DNAH11: variants seen among roughly 807,000 people sequenced by gnomAD.
The protein encoded by DNAH11 is dynein axonemal heavy chain 11, also known as axonemal beta dynein heavy chain 11.
In DNAH11, 442 loss-of-function variants were observed where a neutral mutation model predicts 526.0. That is an observed-to-expected ratio of 0.84 (90% CI 0.78 to 0.91). The LOEUF is 0.91. DNAH11 is among the 40% of genes least tolerant of loss of function. DNAH11 has a pLI of 0.00. For missense variants in DNAH11, 6,989 were observed against 5,448.7 expected, an observed-to-expected ratio of 1.28 and a Z score of -8.90; for synonymous variants, 2,461 against 1,935.9, an observed-to-expected ratio of 1.27 and a Z score of -7.12.
chr7:21,862,147 G>A, intron 69 of DNAH11, 124 bp downstream of exon 69: 1 of 958,850 alleles, frequency 1.0e-6, no homozygotes. Flanking sequence ...GGAAGCCCTT[G>A]GTGGCATGAG....
rs1403250849 is a variant in DNAH11, at chr7:21,868,126, G to A, written c.11839+119G>A. The A allele has an allele frequency of 6.2e-6, 5 of 804,496 alleles. No homozygotes were observed. The South Asian group carries it at 1.2e-4, about 19-fold the overall frequency. 49.8% of individuals were successfully genotyped at this position (804,496 alleles called of 1,614,324 possible). On this transcript the variant is annotated intron_variant, in intron 72 of 81. Coordinates refer to ENST00000409508, the MANE Select transcript of DNAH11 (RefSeq NM_001277115.2). ...TTTCTTTTTTTTTTTTTTTTAATTT[G>A]TTGAAGATTGGGTGTATGGAAAATG...
intron 4 of DNAH11, among the ~76,000 whole-genome samples, chr7:21,560,504 C>G (rs1435262059): frequency 2.0e-5 from 3 of 152,158 alleles, no homozygotes; most frequent in African/African-American, 7.2e-5. Context: ...GCCAAAGGCC[C>G]AAGAGCCCCT....
chr7:21,769,769 C>T (rs1007043000), intron 55 of DNAH11, among the ~76,000 whole-genome samples: 6 of 152,134 alleles, frequency 3.9e-5, no homozygotes, highest in Non-Finnish European at 7.4e-5. Context: ...CAGGCATGAG[C>T]CACTGCATCC....
intron 47 of DNAH11, among the ~76,000 whole-genome samples, 173 bp from the exon 48 acceptor site, chr7:21,739,398 G>A (rs897964289): frequency 1.3e-5 from 2 of 152,278 alleles, no homozygotes; most frequent in East Asian, 1.9e-4. Context: ...GTCAACTTCA[G>A]TTTTTTGAGC....
In DNAH11 at chr7:21,742,101, T is replaced by A; in HGVS notation, c.8089T>A (p.Phe2697Ile). The change falls in exon 49 of 82, where the codon TTT becomes ATT. Residue 2697 changes from phenylalanine to isoleucine, a missense_variant. Physicochemically the swap from Phe to Ile is conservative, Grantham distance 21. Transcript: ENST00000409508. ...IAFHQTMMCN[F>I]LPTAIKFHYI... ...ATTCCATCAGACAATGATGTGTAAC[T>A]TTTTACCCACGGCTATTAAATTCCA... is the stretch of plus-strand genomic sequence containing the variant. 1.9e-6 allele frequency: 3 copies of A among 1,613,938 alleles called. No homozygotes were observed. Among genetic ancestry groups the A allele is most frequent in the Non-Finnish European group, 2.5e-6 (3 of 1,179,852 alleles).
intron 76 of DNAH11, among the ~76,000 whole-genome samples, chr7:21,888,954 A>G (rs34894075): frequency 0.21 from 32,041 of 151,484 alleles, 3,887 homozygotes; most frequent in Non-Finnish European, 0.28. Flanking sequence ...GGTCTTTAGT[A>G]TATTCTGCAA....
chr7:21,839,062 G>C (rs1008607992), intron 65 of DNAH11, among the ~76,000 whole-genome samples: 12 of 152,020 alleles, frequency 7.9e-5, no homozygotes, highest in African/African-American at 2.2e-4. Flanking sequence ...ACCTCACTAA[G>C]GCTTTGATTT....
At chr7:21,578,709 T>C (rs1784196961) in intron 8 of DNAH11, among the ~76,000 whole-genome samples, 1 of 152,196 alleles carries the variant, frequency 6.6e-6, no homozygotes, top group Non-Finnish European at 1.5e-5. Context: ...GACATCCAGG[T>C]GTTTCCATAC....
chr7:21,866,359 T>A (rs12700317), intron 70 of DNAH11, 111 bp from the exon 71 acceptor site: 20 of 937,162 alleles, frequency 2.1e-5, no homozygotes, highest in Admixed American at 3.0e-5. Context: ...GGAGAGTGAA[T>A]ACTATCCAGC....
At chr7:21,577,644 C>T (rs1361088203) in intron 8 of DNAH11, among the ~76,000 whole-genome samples, 1 of 152,142 alleles carries the variant, frequency 6.6e-6, no homozygotes, top group African/African-American at 2.4e-5. Flanking sequence ...CCCCGCCCAC[C>T]CTTGGTGGAT....
chr7:21,776,090 A>C (rs1371441835), intron 56 of DNAH11, among the ~76,000 whole-genome samples: 1 of 152,176 alleles, frequency 6.6e-6, no homozygotes, highest in Non-Finnish European at 1.5e-5. Flanking sequence ...CCTCAGTTAC[A>C]CATTGATGAG....
In DNAH11 at chr7:21,786,449, C is replaced by T. The variant is rs72657383; in HGVS notation, c.9598-175C>T. On this transcript the variant is annotated intron_variant, in intron 58 of 81. Transcript: ENST00000409508. ...GTATCAGAGAAGTGCCCAGCAAGAA[C>T]TGAACCTCCTGGAGTTCCAAGGTGG... Among the ~76,000 whole-genome samples the T allele has an allele frequency of 3.6e-4, 55 of 152,224 alleles. 1 individual carries two copies. The highest frequency in any genetic ancestry group is 1.2e-3 in the African/African-American group (49 of 41,548).
chr7:21,873,414 A>G lies in DNAH11; in HGVS notation c.12108A>G (p.Gly4036=), dbSNP rs750427824. 22 of 1,613,828 alleles carry G rather than the reference A, an allele frequency of 1.4e-5. 1 individual carries two copies. In the East Asian group the frequency reaches 3.6e-4, roughly 26 times the overall value. ...PTPDEHIIPQ[G]LLENSIKITN... ...CAGATGAGCATATCATCCCTCAAGG[A>G]CTCCTGGAAAATTCCATTAAGATCA... Residue 4036 remains glycine, a synonymous_variant, in exon 74 of 82, where the codon GGA becomes GGG. Transcript: ENST00000409508.
chr7:21,660,271 C>T (rs1198522671), intron 30 of DNAH11, among the ~76,000 whole-genome samples: 1 of 151,950 alleles, frequency 6.6e-6, no homozygotes. Context: ...TGACCATTTT[C>T]ATTATGCATA....
At chr7:21,720,991 C>A in intron 44 of DNAH11, 135 bp downstream of exon 44, 1 of 1,140,224 alleles carries the variant, frequency 8.8e-7, no homozygotes, top group Non-Finnish European at 1.2e-6. Context: ...TCTCCTAAGT[C>A]TATGCATTCT....
chr7:21,855,767 G>C (rs963906730), intron 68 of DNAH11, among the ~76,000 whole-genome samples: 5 of 152,068 alleles, frequency 3.3e-5, no homozygotes, highest in African/African-American at 1.2e-4. Flanking sequence ...CTTGTCACTT[G>C]AGTGTATAGT....
intron 70 of DNAH11, among the ~76,000 whole-genome samples, chr7:21,865,417 G>A (rs531176788): frequency 6.6e-6 from 1 of 152,248 alleles, no homozygotes; most frequent in African/African-American, 2.4e-5. Context: ...GGAAACAGAT[G>A]GCACATTCAA....
At chr7:21,701,933 A>G (rs1583607843) in intron 36 of DNAH11, among the ~76,000 whole-genome samples, 1 of 152,104 alleles carries the variant, frequency 6.6e-6, no homozygotes, top group East Asian at 1.9e-4. Flanking sequence ...TGGACGGTGA[A>G]AGAGGGCCAG....
intron 9 of DNAH11, among the ~76,000 whole-genome samples, chr7:21,582,557 C>T (rs1316383894): frequency 6.6e-6 from 1 of 152,034 alleles, no homozygotes; most frequent in East Asian, 1.9e-4. Flanking sequence ...ATTTCAGTCG[C>T]AGAGATTTTG....
Sources: gnomAD v4.1 joint callset for allele counts (sites outside exome capture counted in the v4.1 genomes callset) on GRCh38, gnomAD v4.1.1 for gene constraint, MANE v1.5 for transcripts, NCBI Gene and HGNC (gene_info 2026-07-23, HGNC 2026-07-21) for gene names.